Variants in FBXL3 observed in about 807,000 individuals in gnomAD.
FBXL3 encodes F-box/LRR-repeat protein 3.
In FBXL3, 14 loss-of-function variants were observed where a neutral mutation model predicts 37.9. The observed-to-expected ratio is 0.37, with a 90% confidence interval of 0.24 to 0.58. The LOEUF is 0.58. Ranked by LOEUF, FBXL3 falls within the 20% of genes least tolerant of loss-of-function variation. The pLI, the probability that FBXL3 is intolerant of heterozygous loss-of-function variation, is 0.74. For synonymous variants in FBXL3, 194 were observed against 180.1 expected (o/e 1.08, Z -0.62); for missense variants, 327 against 511.1 (o/e 0.64, Z 3.47).
chr13:77,012,624 AT>A (rs2034574810), intron 4 of FBXL3, among the ~76,000 whole-genome samples: 2 of 152,234 alleles, frequency 1.3e-5, no homozygotes, highest in Non-Finnish European at 2.9e-5. Context: ...AAGAAAATTG[AT>A]TAAATGTTCA....
chr13:77,008,823 G>A (rs528600590), intron 4 of FBXL3: 1 of 152,332 alleles, frequency 6.6e-6, no homozygotes, highest in South Asian at 2.1e-4. Flanking sequence ...AAAGTGCTGG[G>A]ATTACAGATG....
intron 4 of FBXL3, chr13:77,010,268 A>AC (rs1491300167): frequency 6.6e-6 from 1 of 150,554 alleles, no homozygotes; most frequent in Admixed American, 6.8e-5. Flanking sequence ...TTAAAAAAAA[A>AC]CACACAGACA....
intron 4 of FBXL3, among the ~76,000 whole-genome samples, chr13:77,008,020 T>G (rs1377183390): frequency 6.6e-6 from 1 of 152,102 alleles, no homozygotes; most frequent in Non-Finnish European, 1.5e-5. Context: ...TAAAAAGAAA[T>G]AAAACTCAGT....
Position 77,015,339 on chromosome 13 carries a change from CAT to C in FBXL3, c.643+68_643+69del, listed in dbSNP as rs1349633053. On this transcript the variant is annotated intron_variant, in intron 4 of 4. Transcript: ENST00000355619. Reference sequence around the variant, plus strand: ...TTAATCCACCTTCAAGGTTAATGATCATAGTTTTTTCTAATTTGAACATAGCA... The same window carrying C: ...TTAATCCACCTTCAAGGTTAATGATCAGTTTTTTCTAATTTGAACATAGCA... The C allele has an allele frequency of 2.6e-6, 3 of 1,133,628 alleles. No homozygotes were observed. In the East Asian group the frequency reaches 8.2e-5, roughly 31 times the overall value. 70.2% of individuals were successfully genotyped at this position (1,133,628 alleles called of 1,614,324 possible).
At chr13:77,012,516 T>C (rs1301259931) in intron 4 of FBXL3, among the ~76,000 whole-genome samples, 14 of 152,246 alleles carry the variant, frequency 9.2e-5, no homozygotes, top group Non-Finnish European at 1.5e-5. Flanking sequence ...AGTAACTAAA[T>C]GTTCATTAGT....
chr13:77,023,154 T>C (rs534259066), intron 1 of FBXL3, among the ~76,000 whole-genome samples: 1 of 152,330 alleles, frequency 6.6e-6, no homozygotes, highest in Non-Finnish European at 1.5e-5. Flanking sequence ...CACTCATTCA[T>C]TCATTCCGTT....
chr13:77,025,976 G>C (rs1217540110), intron 1 of FBXL3, among the ~76,000 whole-genome samples: 17 of 152,164 alleles, frequency 1.1e-4, no homozygotes, highest in Non-Finnish European at 2.4e-4. Context: ...AGAGCGCACA[G>C]TGGCGAAAAT....
intron 4 of FBXL3, chr13:77,008,520 G>A (rs1246312889): frequency 1.3e-5 from 2 of 152,192 alleles, no homozygotes; most frequent in Admixed American, 1.3e-4. Flanking sequence ...AGCAACAGAT[G>A]ACATTGCAAA....
rs373833442 is a variant in FBXL3, at chr13:77,015,759, G to A, written c.472-179C>T. ...ATATGGTAAAAATAGGTGACTATCTGTCATCTTTGAGAAGAGTCTATTTAT... is the reference window on the plus strand; with the variant it reads ...ATATGGTAAAAATAGGTGACTATCTATCATCTTTGAGAAGAGTCTATTTAT... On this transcript the variant is annotated intron_variant, in intron 3 of 4. Transcript: ENST00000355619. 1.6e-4 allele frequency: 60 copies of A among 385,246 alleles called. No individual in the cohort carries two copies. In the Middle Eastern group the frequency reaches 2.0e-3, roughly 13 times the overall value. The allele number at this position is 385,246 out of a possible 1,614,324, so 23.9% of individuals were successfully genotyped here.
chr13:77,026,387 G>A (rs2034838642), intron 1 of FBXL3: 19 of 984,942 alleles, frequency 1.9e-5, no homozygotes, highest in Admixed American at 6.2e-5. Context: ...GCCCCACCCT[G>A]GGCAGTTTGC....
chr13:77,020,196 G>A (rs895962384), intron 2 of FBXL3, among the ~76,000 whole-genome samples: 3 of 152,050 alleles, frequency 2.0e-5, no homozygotes, highest in Non-Finnish European at 4.4e-5. Flanking sequence ...TAAGTTTCAG[G>A]TAAACAACAG....
At position 77,027,157 on chromosome 13, in the gene FBXL3, T is replaced by C. The variant is rs1354363128; in HGVS notation, c.-332A>G. 1.4e-5 allele frequency: 2 copies of C among 139,498 alleles called. No individual in the cohort carries two copies. Among genetic ancestry groups the C allele is most frequent in the Non-Finnish European group, 3.0e-5 (2 of 66,164 alleles). The allele number at this position is 139,498 out of a possible 1,614,324, so 8.6% of individuals were successfully genotyped here. On this transcript the variant is annotated 5_prime_UTR_variant, in exon 1 of 5. Transcript: ENST00000355619. ...CTGCACCTGGGCCACAAACAGCGAG[T>C]CTAAAATGGCGCCCAGGGCTCGCGG...
chr13:77,023,934 A>G (rs2034793489), intron 1 of FBXL3, among the ~76,000 whole-genome samples: 1 of 152,260 alleles, frequency 6.6e-6, no homozygotes, highest in Admixed American at 6.5e-5. Context: ...AGTCAGTCAA[A>G]GACGTCTTAG....
rs199568005 is a variant in FBXL3, at chr13:77,023,345, A to AGAGAGAGAGTGTGTGTGT, written c.-1-1485_-1-1484insACACACACACTCTCTCTC. 6.7e-3 allele frequency among the ~76,000 whole-genome samples: 983 copies of AGAGAGAGAGTGTGTGTGT among 147,560 alleles called. 3 individuals carry two copies. Among genetic ancestry groups the AGAGAGAGAGTGTGTGTGT allele is most frequent in the East Asian group, 0.038 (191 of 5,014 alleles). On this transcript the variant is annotated intron_variant, in intron 1 of 4. Coordinates refer to ENST00000355619, the MANE Select transcript of FBXL3 (RefSeq NM_012158.4). ...TTTGCTTTAAAATGGAGAGAGAGAGAGTGTGTGTGTGTGTGTGTGTGTGTG... is the reference window on the plus strand; with the variant it reads ...TTTGCTTTAAAATGGAGAGAGAGAGAGAGAGAGAGTGTGTGTGTGTGTGTGTGTGTGTGTGTGTGTGTG...
At position 77,021,531 on chromosome 13, in the gene FBXL3, T is replaced by C. The variant is rs772823057; in HGVS notation, c.330A>G (p.Leu110=). ...KQIIKRHSNH[L]QYVSFKVDSS... ...ATATTACCTTGAAGCTGACATATTGTAGATGGTTTGAATGTCTTTTAATAA... is the reference window on the plus strand; with the variant it reads ...ATATTACCTTGAAGCTGACATATTGCAGATGGTTTGAATGTCTTTTAATAA... The change falls in exon 2 of 5, where the codon CTA becomes CTG. Residue 110 remains leucine, a synonymous_variant. Coordinates refer to ENST00000355619, the MANE Select transcript of FBXL3 (RefSeq NM_012158.4). 3.7e-6 allele frequency: 6 copies of C among 1,611,986 alleles called. No homozygotes were observed. The African/African-American group carries it at 8.0e-5, about 22-fold the overall frequency.
Position 77,021,573 on chromosome 13 carries a change from TG to T in FBXL3, c.287del (p.Pro96GlnfsTer3). The T allele has an allele frequency of 6.2e-7, 1 of 1,614,192 alleles. No homozygotes were observed. Among genetic ancestry groups the T allele is most frequent in the Non-Finnish European group, 8.5e-7 (1 of 1,180,040 alleles). On this transcript the variant is annotated frameshift_variant, in exon 2 of 5. Coordinates refer to ENST00000355619, the MANE Select transcript of FBXL3 (RefSeq NM_012158.4). LOFTEE classifies it high-confidence loss of function. Reference sequence around the variant, plus strand: ...TTTTAATAATCTGTTTGATCAGCTCTGGATGGGTAGCTTTCAAATAAGATGT... The same window carrying T: ...TTTTAATAATCTGTTTGATCAGCTCTGATGGGTAGCTTTCAAATAAGATGT... ...PATSYLKATH[P>X]ELIKQIIKRH...
In FBXL3 at chr13:77,021,828, A is replaced by G; in HGVS notation, c.33T>C (p.Asn11=). 1 of 1,612,814 alleles carries G rather than the reference A, an allele frequency of 6.2e-7. No individual in the cohort carries two copies. The highest frequency in any genetic ancestry group is 1.7e-4 in the Middle Eastern group (1 of 6,058). The change falls in exon 2 of 5, where the codon AAT becomes AAC. Residue 11 remains asparagine, a synonymous_variant. Coordinates refer to ENST00000355619, the MANE Select transcript of FBXL3 (RefSeq NM_012158.4). ...TCTCTGCAGTTCCTTCTTCTGATGA[A>G]TTACGGTCACTATCTCTTCCTCCTC... MKRGGRDSDR[N]SSEEGTAEKS...
intron 2 of FBXL3, among the ~76,000 whole-genome samples, chr13:77,019,829 C>G (rs770776183): frequency 4.0e-5 from 6 of 151,492 alleles, no homozygotes; most frequent in Non-Finnish European, 8.8e-5. Context: ...GAAATTATTT[C>G]CTCAGGAAAA....
chr13:77,023,178 A>C (rs1317643617), intron 1 of FBXL3, among the ~76,000 whole-genome samples: 2 of 152,168 alleles, frequency 1.3e-5, no homozygotes, highest in African/African-American at 4.8e-5. Context: ...TCATTCATTC[A>C]AGATGGGGTC....
Sources: allele counts gnomAD v4.1 joint callset (sites outside exome capture counted in the v4.1 genomes callset), GRCh38; gene constraint gnomAD v4.1.1; transcripts MANE v1.5; gene names NCBI Gene and HGNC (gene_info 2026-07-23, HGNC 2026-07-21).